The following NWD2 variants were observed in gnomAD, a reference collection of about 807,000 sequenced individuals.
NWD2 encodes NACHT and WD repeat domain containing 2, also known as NACHT and WD repeat domain-containing protein 2.
NWD2 carries 37 observed loss-of-function variants against 132.7 expected under a neutral mutation model. The ratio of observed to expected loss-of-function variants is 0.28; its 90% CI spans 0.21 to 0.37. NWD2 has a LOEUF of 0.37. Ranked by LOEUF, NWD2 falls within the 10% of genes least tolerant of loss-of-function variation. NWD2 has a pLI of 1.00. For missense variants in NWD2, 1,592 were observed against 2,122.4 expected (o/e 0.75, Z 4.91); for synonymous variants, 705 against 803.0 (o/e 0.88, Z 2.06).
At chr4:37,374,878 ACT>A (rs1720312670) in intron 3 of NWD2, among the ~76,000 whole-genome samples, 1 of 152,342 alleles carries the variant, frequency 6.6e-6, no homozygotes, top group African/African-American at 2.4e-5. Context: ...ACTCTGTAAA[ACT>A]CTGTGCTGAG....
rs1302056326 is a variant in NWD2, at chr4:37,438,967, C to T, written c.873C>T (p.Asp291=). 1 of 1,551,878 alleles carries T rather than the reference C, an allele frequency of 6.4e-7. No homozygotes were observed. Among genetic ancestry groups the T allele is most frequent in the Non-Finnish European group, 8.7e-7 (1 of 1,147,006 alleles). ...GAACAGAACCGAGGATTATTCGGGA[C>T]CCAGAAGCCCAAGAGAAGCTGATAA... ...ITGTEPRIIR[D]PEAQEKLIKL... Residue 291 remains aspartate, a synonymous_variant, in exon 6 of 7, where the codon GAC becomes GAT. Coordinates refer to ENST00000309447, the MANE Select transcript of NWD2 (RefSeq NM_001144990.2).
chr4:37,432,226 A>G (rs1410202079), intron 4 of NWD2, among the ~76,000 whole-genome samples: 2 of 152,134 alleles, frequency 1.3e-5, no homozygotes. Context: ...TGTCCTCTAC[A>G]GCTTCTAATT....
intron 2 of NWD2, among the ~76,000 whole-genome samples, chr4:37,332,483 C>G (rs1719315370): frequency 6.7e-6 from 1 of 149,596 alleles, no homozygotes; most frequent in Non-Finnish European, 1.5e-5. Context: ...GGACCCAGTC[C>G]TAGCAGGACT....
chr4:37,271,711 T>C (rs1236367951), intron 1 of NWD2, among the ~76,000 whole-genome samples: 1 of 151,792 alleles, frequency 6.6e-6, no homozygotes, highest in East Asian at 1.9e-4. Context: ...CTTATTTTAC[T>C]CCAAAATAAG....
At chr4:37,397,734 G>A (rs958829586) in intron 3 of NWD2, among the ~76,000 whole-genome samples, 56 of 152,054 alleles carry the variant, frequency 3.7e-4, no homozygotes, top group African/African-American at 1.3e-3. Context: ...GAAATTTCTC[G>A]CCAGTACCCC....
chr4:37,281,044 G>A (rs1474155192), intron 1 of NWD2, among the ~76,000 whole-genome samples: 2 of 152,086 alleles, frequency 1.3e-5, no homozygotes, highest in African/African-American at 4.8e-5. Flanking sequence ...GGTGGGGAGT[G>A]GGTCTGGAGG....
intron 2 of NWD2, among the ~76,000 whole-genome samples, chr4:37,332,462 A>G (rs1306294545): frequency 6.6e-6 from 1 of 151,884 alleles, no homozygotes; most frequent in East Asian, 1.9e-4. Flanking sequence ...CCTTGAAAAA[A>G]AAAAAAAAAA....
At chr4:37,422,785 C>G (rs1036067364) in intron 3 of NWD2, among the ~76,000 whole-genome samples, 2 of 152,204 alleles carry the variant, frequency 1.3e-5, no homozygotes, top group Non-Finnish European at 2.9e-5. Context: ...AGCTGAAACT[C>G]AGAGAGACAA....
At chr4:37,300,533 A>G (rs1718592979) in intron 1 of NWD2, among the ~76,000 whole-genome samples, 1 of 152,200 alleles carries the variant, frequency 6.6e-6, no homozygotes, top group South Asian at 2.1e-4. Flanking sequence ...CAAAATTAAA[A>G]AAGAAGCTGA....
intron 3 of NWD2, among the ~76,000 whole-genome samples, chr4:37,427,252 C>T (rs975505249): frequency 2.6e-5 from 4 of 152,176 alleles, no homozygotes; most frequent in East Asian, 1.9e-4. Flanking sequence ...ATGGCACATC[C>T]GAGCATTAAA....
In NWD2 at chr4:37,348,675, T is replaced by TATATAC. The variant is rs1308407988; in HGVS notation, c.241-7690_241-7689insTATACA. Among the ~76,000 whole-genome samples the TATATAC allele has an allele frequency of 2.5e-3, 57 of 22,566 alleles. 2 individuals are homozygous for TATATAC. Among genetic ancestry groups the TATATAC allele is most frequent in the Non-Finnish European group, 3.4e-3 (44 of 13,092 alleles). 14.8% of individuals were successfully genotyped at this position (22,566 alleles called of 152,430 possible). ...ATATATATATATATATATATATATA[T>TATATAC]ACACACACACACACACACACACACA... On this transcript the variant is annotated intron_variant, in intron 2 of 6. Coordinates refer to ENST00000309447, the MANE Select transcript of NWD2 (RefSeq NM_001144990.2).
intron 2 of NWD2, among the ~76,000 whole-genome samples, chr4:37,353,214 G>A (rs935479825): frequency 5.9e-5 from 9 of 152,196 alleles, no homozygotes; most frequent in African/African-American, 1.9e-4. Flanking sequence ...TTTCTACAGA[G>A]AGATTTACTG....
chr4:37,380,473 G>A lies in NWD2; in HGVS notation c.357+23991G>A, dbSNP rs546913286. 2.6e-5 allele frequency among the ~76,000 whole-genome samples: 4 copies of A among 152,270 alleles called. No individual in the cohort carries two copies. In the South Asian group the frequency reaches 8.3e-4, roughly 32 times the overall value. On this transcript the variant is annotated intron_variant, in intron 3 of 6. Transcript: ENST00000309447. ...AGGCTTTAATTCCTTCATTTATAAA[G>A]TTTGAATAATATTAAAACTTACTAT...
At chr4:37,431,277 G>A (rs570781583) in intron 4 of NWD2, among the ~76,000 whole-genome samples, 1 of 152,110 alleles carries the variant, frequency 6.6e-6, no homozygotes, top group Non-Finnish European at 1.5e-5. Flanking sequence ...AAAAGATAAA[G>A]AAAATGTAGA....
intron 3 of NWD2, among the ~76,000 whole-genome samples, chr4:37,417,150 T>A (rs914228698): frequency 6.6e-6 from 1 of 152,126 alleles, no homozygotes; most frequent in African/African-American, 2.4e-5. Flanking sequence ...TCTTAAAATT[T>A]TTTTAAAAAA....
chr4:37,441,207 G>C (rs191548695), intron 6 of NWD2, among the ~76,000 whole-genome samples: 2 of 152,202 alleles, frequency 1.3e-5, no homozygotes, highest in South Asian at 2.1e-4. Context: ...AGATGAAGTA[G>C]CAGGCTTGTA....
chr4:37,361,781 C>G (rs1469964327), intron 3 of NWD2, among the ~76,000 whole-genome samples: 2 of 152,152 alleles, frequency 1.3e-5, no homozygotes, highest in African/African-American at 4.8e-5. Flanking sequence ...AATACCCACT[C>G]TCACCACTCC....
chr4:37,252,658 A>T (rs1226596813), intron 1 of NWD2, among the ~76,000 whole-genome samples: 3 of 152,174 alleles, frequency 2.0e-5, no homozygotes, highest in Non-Finnish European at 4.4e-5. Flanking sequence ...CTGGGCTGGA[A>T]GGTCCCAGCA....
At chr4:37,327,489 C>T (rs1396359901) in intron 2 of NWD2, among the ~76,000 whole-genome samples, 2 of 152,020 alleles carry the variant, frequency 1.3e-5, no homozygotes, top group Non-Finnish European at 2.9e-5. Context: ...CCGCAGTGGG[C>T]AGGGAAGATG....
Sources: gnomAD v4.1 joint callset for allele counts (sites outside exome capture counted in the v4.1 genomes callset) on GRCh38, gnomAD v4.1.1 for gene constraint, MANE v1.5 for transcripts, NCBI Gene and HGNC (gene_info 2026-07-23, HGNC 2026-07-21) for gene names.